Variants in NCOA6 observed in about 807,000 individuals in gnomAD.
NCOA6 encodes nuclear receptor coactivator 6.
A neutral mutation model predicts 171.4 loss-of-function variants in NCOA6; 49 were observed. That is an observed-to-expected ratio of 0.29 (90% confidence interval 0.23 to 0.36). The LOEUF (loss-of-function observed/expected upper bound fraction) is 0.36, where lower values mean the gene tolerates loss of function less well. Among genes scored for constraint, NCOA6 ranks in the 10% least tolerant of loss-of-function variants. NCOA6 has a pLI of 1.00. For synonymous variants in NCOA6, 910 were observed against 927.5 expected (o/e 0.98, Z 0.34); for missense variants, 2,248 against 2,554.5 (o/e 0.88, Z 2.59).
intron 13 of NCOA6, among the ~76,000 whole-genome samples, chr20:34,731,658 AT>A (rs1256615519): frequency 1.3e-5 from 2 of 152,350 alleles, no homozygotes; most frequent in African/African-American, 4.8e-5. Context: ...AATGAAAAAA[AT>A]ATTGTGAAAG....
intron 1 of NCOA6, among the ~76,000 whole-genome samples, chr20:34,793,502 G>A (rs1335078941): frequency 6.6e-6 from 1 of 151,950 alleles, no homozygotes; most frequent in Non-Finnish European, 1.5e-5. Flanking sequence ...GCATGCCGGT[G>A]GTCCCAGCTA....
intron 2 of NCOA6, among the ~76,000 whole-genome samples, chr20:34,790,508 C>T (rs1363776388): frequency 6.6e-6 from 1 of 152,116 alleles, no homozygotes; most frequent in Non-Finnish European, 1.5e-5. Flanking sequence ...GCACCCACCA[C>T]TACGCCCAGC....
intron 7 of NCOA6, among the ~76,000 whole-genome samples, chr20:34,755,215 A>G (rs973458880): frequency 6.6e-6 from 1 of 152,226 alleles, no homozygotes; most frequent in Non-Finnish European, 1.5e-5. Context: ...CCAAAACTTT[A>G]GTTATTTTAA....
intron 14 of NCOA6, among the ~76,000 whole-genome samples, chr20:34,716,875 C>T (rs1179430755): frequency 6.6e-6 from 1 of 151,990 alleles, no homozygotes; most frequent in Non-Finnish European, 1.5e-5. Context: ...TTCAAAAGGT[C>T]ACCTTTATTT....
intron 8 of NCOA6, among the ~76,000 whole-genome samples, chr20:34,751,833 A>G (rs2076497504): frequency 6.6e-6 from 1 of 152,092 alleles, no homozygotes; most frequent in African/African-American, 2.4e-5. Flanking sequence ...CTCCCCGTTT[A>G]ACTGAATAAC....
At chr20:34,739,202 T>C (rs955790385) in intron 11 of NCOA6, among the ~76,000 whole-genome samples, 1 of 152,146 alleles carries the variant, frequency 6.6e-6, no homozygotes, top group Non-Finnish European at 1.5e-5. Context: ...AACAAAGAGA[T>C]TACATCAAAA....
chr20:34,736,624 G>GAC, intron 12 of NCOA6, 66 bp downstream of exon 12: 1 of 1,312,766 alleles, frequency 7.6e-7, no homozygotes. Context: ...CGACATTGAG[G>GAC]ACAGCAGTAG....
At position 34,795,209 on chromosome 20, in the gene NCOA6, T is replaced by C. The variant is rs140276868; in HGVS notation, c.-163-2646A>G. Among the ~76,000 whole-genome samples, 214 of 152,170 alleles carry C rather than the reference T, an allele frequency of 1.4e-3. 1 individual carries two copies. Among genetic ancestry groups the C allele is most frequent in the African/African-American group, 4.9e-3 (205 of 41,512 alleles). ...AAAATCATTTTTGCATGATCGAAAATTGTTGGAAAACAGGTTACCACAGTG... is the reference window on the plus strand; with the variant it reads ...AAAATCATTTTTGCATGATCGAAAACTGTTGGAAAACAGGTTACCACAGTG... On this transcript the variant is annotated intron_variant, in intron 1 of 14. Transcript: ENST00000359003.
intron 1 of NCOA6, among the ~76,000 whole-genome samples, chr20:34,812,266 C>A (rs200047683): frequency 0.055 from 8,061 of 147,010 alleles, 252 homozygotes; most frequent in East Asian, 0.08. Flanking sequence ...AAAAAAAAAA[C>A]AACAACAAAA....
Position 34,757,571 on chromosome 20 carries a change from T to A in NCOA6, c.1177A>T (p.Met393Leu). ...ASQAHTNFPQ[M>L]SNPGQFTAPQ... ...GCTGTGAACTGGCCTGGGTTGCTCA[T>A]CTGAGGAAAGTTTGTGTGGGCTTGT... The change falls in exon 7 of 15, where the codon ATG (methionine) becomes TTG (leucine). Residue 393 changes from methionine (M) to leucine (L), a missense_variant. This residue lies in a region of NCOA6 where 987 missense variants were observed against 1,104.7 expected (regional missense o/e 0.89). Coordinates refer to ENST00000359003, the MANE Select transcript of NCOA6 (RefSeq NM_014071.5). 1 of 1,613,956 alleles carries A rather than the reference T, an allele frequency of 6.2e-7. No homozygotes were observed. The highest frequency in any genetic ancestry group is 1.1e-5 in the South Asian group (1 of 91,082).
At chr20:34,754,664 T>C in intron 8 of NCOA6, 58 bp downstream of exon 8, 2 of 1,601,684 alleles carry the variant, frequency 1.2e-6, no homozygotes, top group Non-Finnish European at 1.7e-6. Flanking sequence ...CTGTTGTCTA[T>C]CAAGTCTACG....
chr20:34,821,723 G>A (rs917073516), intron 1 of NCOA6: 5 of 151,918 alleles, frequency 3.3e-5, no homozygotes, highest in Non-Finnish European at 7.4e-5. Flanking sequence ...GAGTAGCTGC[G>A]ACTACAGGCG....
Position 34,749,749 on chromosome 20 carries a change from G to C in NCOA6, c.2446C>G (p.Gln816Glu), listed in dbSNP as rs754346975. 1.9e-6 allele frequency: 3 copies of C among 1,614,216 alleles called. No homozygotes were observed. Among genetic ancestry groups the C allele is most frequent in the South Asian group, 2.2e-5 (2 of 91,086 alleles). The change falls in exon 9 of 15, where the codon CAG becomes GAG. Residue 816 changes from glutamine (Q) to glutamate (E), a missense_variant. By Grantham distance (29) the Gln-to-Glu change is conservative. Transcript: ENST00000359003. ...TGAATGCTAACATCAGGCATCATCT[G>C]AGATAAACTGACATCGTTATTTGCT... ...TTANNDVSLSQMMPDVSIQQT... is the reference protein window; with the variant it reads ...TTANNDVSLSEMMPDVSIQQT...
At chr20:34,735,504 G>A (rs2075924121) in intron 12 of NCOA6, among the ~76,000 whole-genome samples, 1 of 152,136 alleles carries the variant, frequency 6.6e-6, no homozygotes, top group African/African-American at 2.4e-5. Flanking sequence ...AATTAGCCAG[G>A]CTGGTGGCGG....
At chr20:34,754,596 T>A in intron 8 of NCOA6, 126 bp downstream of exon 8, 1 of 1,162,340 alleles carries the variant, frequency 8.6e-7, no homozygotes, top group Non-Finnish European at 1.2e-6. Flanking sequence ...AAAGAATAAT[T>A]ATTTATGGGC....
chr20:34,718,371 ATCTG>A (rs1988863911), intron 14 of NCOA6, among the ~76,000 whole-genome samples: 1 of 152,014 alleles, frequency 6.6e-6, no homozygotes, highest in Non-Finnish European at 1.5e-5. Flanking sequence ...TCTGAAAAAA[ATCTG>A]TCTGAAAAAA....
At chr20:34,809,810 T>TA (rs1261757919) in intron 1 of NCOA6, among the ~76,000 whole-genome samples, 7 of 151,786 alleles carry the variant, frequency 4.6e-5, no homozygotes, top group African/African-American at 1.4e-4. Flanking sequence ...CTACTAAAAA[T>TA]AAAAAAAATT....
At chr20:34,800,603 A>ACCTCTGCCTCCC (rs2078225725) in intron 1 of NCOA6, among the ~76,000 whole-genome samples, 1 of 151,066 alleles carries the variant, frequency 6.6e-6, no homozygotes, top group Non-Finnish European at 1.5e-5. Flanking sequence ...AAAACTATAA[A>ACCTCTGCCTCCC]AAAGAGACAA....
intron 8 of NCOA6, among the ~76,000 whole-genome samples, chr20:34,751,927 G>A (rs923715802): frequency 2.6e-5 from 4 of 151,894 alleles, no homozygotes; most frequent in Non-Finnish European, 5.9e-5. Context: ...GTGCAACCTC[G>A]GCTCATTGCA....
Sources: allele counts gnomAD v4.1 joint callset (sites outside exome capture counted in the v4.1 genomes callset), GRCh38; gene constraint gnomAD v4.1.1; regional missense constraint gnomAD v4.1.1; transcripts MANE v1.5; gene names NCBI Gene and HGNC (gene_info 2026-07-23, HGNC 2026-07-21).